PDE3A: variants seen among roughly 807,000 people sequenced by gnomAD.
PDE3A encodes cGMP-inhibited 3',5'-cyclic phosphodiesterase 3A.
PDE3A carries 43 observed loss-of-function variants against 98.3 expected under a neutral mutation model. The ratio of observed to expected loss-of-function variants is 0.44; its 90% CI spans 0.34 to 0.56. The LOEUF (loss-of-function observed/expected upper bound fraction) is 0.56. PDE3A is among the 20% of genes least tolerant of loss of function. The probability of loss-of-function intolerance (pLI) is 0.01; values close to 1 mark genes in which losing one functional copy is unlikely to be tolerated. For synonymous variants in PDE3A, 663 were observed against 567.9 expected, an observed-to-expected ratio of 1.17 and a Z score of -2.38; for missense variants, 1,427 against 1,440.7, an observed-to-expected ratio of 0.99 and a Z score of 0.15.
Position 20,630,044 on chromosome 12 carries a change from A to G in PDE3A, c.1677A>G (p.Leu559=). 1 of 1,614,020 alleles carries G rather than the reference A, an allele frequency of 6.2e-7. No individual in the cohort carries two copies. The highest frequency in any genetic ancestry group is 2.2e-5 in the East Asian group (1 of 44,866). Residue 559 remains leucine (L), a synonymous_variant, in exon 6 of 16, where the codon CTA becomes CTG. Coordinates refer to ENST00000359062, the MANE Select transcript of PDE3A (RefSeq NM_000921.5). The part of the protein sequence containing the change: ...ESADTTAKQS[L]GSHRALTYTQ... ...CTGACACAACTGCCAAACAAAGCCT[A>G]GGTTCTCACAGGGCCTTAACTTACA...
intron 1 of PDE3A, among the ~76,000 whole-genome samples, chr12:20,484,779 T>C (rs957824145): frequency 3.9e-5 from 6 of 152,188 alleles, no homozygotes; most frequent in Non-Finnish European, 8.8e-5. Context: ...GGAACATAAC[T>C]AATAATGGTC....
intron 1 of PDE3A, among the ~76,000 whole-genome samples, chr12:20,386,890 GT>G (rs1943821135): frequency 6.6e-6 from 1 of 152,052 alleles, no homozygotes; most frequent in African/African-American, 2.4e-5. Flanking sequence ...GTCTTCTAGG[GT>G]TTTTATAGTT....
At chr12:20,507,071 T>C (rs1946131638) in intron 1 of PDE3A, among the ~76,000 whole-genome samples, 1 of 152,096 alleles carries the variant, frequency 6.6e-6, no homozygotes, top group South Asian at 2.1e-4. Flanking sequence ...GTATTTATTA[T>C]GATCCGGGGG....
chr12:20,568,443 G>A (rs555282402), intron 2 of PDE3A, among the ~76,000 whole-genome samples: 1 of 152,008 alleles, frequency 6.6e-6, no homozygotes, highest in African/African-American at 2.4e-5. Context: ...ATGCACTGGT[G>A]GTTGTGGAAC....
chr12:20,615,603 G>T (rs1592114731), intron 3 of PDE3A, among the ~76,000 whole-genome samples: 1 of 152,060 alleles, frequency 6.6e-6, no homozygotes, highest in African/African-American at 2.4e-5. Flanking sequence ...TGTGTGTATA[G>T]GTGTGTAAAT....
chr12:20,600,351 G>T (rs1434886666), intron 2 of PDE3A, among the ~76,000 whole-genome samples: 1 of 152,086 alleles, frequency 6.6e-6, no homozygotes, highest in Non-Finnish European at 1.5e-5. Flanking sequence ...CCTTCATCCT[G>T]AAAGCTAGCC....
intron 9 of PDE3A, among the ~76,000 whole-genome samples, chr12:20,638,261 A>C (rs1944565196): frequency 6.6e-6 from 1 of 152,170 alleles, no homozygotes; most frequent in Non-Finnish European, 1.5e-5. Flanking sequence ...GATTGAAGGG[A>C]AAAGATAGCA....
At chr12:20,606,591 G>A (rs1943714607) in intron 2 of PDE3A, among the ~76,000 whole-genome samples, 1 of 151,980 alleles carries the variant, frequency 6.6e-6, no homozygotes, top group African/African-American at 2.4e-5. Flanking sequence ...GGGTGCGGTG[G>A]CTCACGCTTA....
chr12:20,586,807 CCTAAT>C (rs2121362088), intron 2 of PDE3A, among the ~76,000 whole-genome samples: 1 of 152,260 alleles, frequency 6.6e-6, no homozygotes, highest in South Asian at 2.1e-4. Context: ...TACTACTTAG[CCTAAT>C]CTTTAATTTG....
chr12:20,634,860 C>G (rs368612987), intron 7 of PDE3A, 42 bp from the exon 8 acceptor site: 3 of 1,505,500 alleles, frequency 2.0e-6, no homozygotes, highest in Non-Finnish European at 2.8e-6. Context: ...CCCCCTTTCC[C>G]CATTGTAGAT....
At chr12:20,544,721 C>T (rs1173031740) in intron 1 of PDE3A, among the ~76,000 whole-genome samples, 1 of 151,870 alleles carries the variant, frequency 6.6e-6, no homozygotes, top group Non-Finnish European at 1.5e-5. Flanking sequence ...TGTTACATTT[C>T]TCCTCTCTTA....
chr12:20,380,042 G>C (rs1943636488), intron 1 of PDE3A, among the ~76,000 whole-genome samples: 2 of 151,732 alleles, frequency 1.3e-5, no homozygotes, highest in African/African-American at 4.8e-5. Flanking sequence ...AATTGAGAGA[G>C]AACAAACTCT....
At chr12:20,398,530 A>G (rs937239597) in intron 1 of PDE3A, among the ~76,000 whole-genome samples, 1 of 152,048 alleles carries the variant, frequency 6.6e-6, no homozygotes, top group African/African-American at 2.4e-5. Flanking sequence ...CATCAAAAAA[A>G]CTGCACTTAT....
chr12:20,536,211 T>C (rs951186947), intron 1 of PDE3A, among the ~76,000 whole-genome samples: 5 of 152,116 alleles, frequency 3.3e-5, no homozygotes, highest in African/African-American at 1.2e-4. Flanking sequence ...CAAAATATCT[T>C]ACACATAAAG....
intron 1 of PDE3A, among the ~76,000 whole-genome samples, chr12:20,387,854 T>C (rs1022404533): frequency 1.3e-5 from 2 of 152,054 alleles, no homozygotes; most frequent in African/African-American, 4.8e-5. Context: ...AAAATACTTT[T>C]GATGAGTGGA....
At chr12:20,431,625 ACACACACG>A (rs1565547039) in intron 1 of PDE3A, among the ~76,000 whole-genome samples, 11 of 144,826 alleles carry the variant, frequency 7.6e-5, no homozygotes, top group African/African-American at 2.5e-4. Context: ...ACACACACGC[ACACACACG>A]CACGCACAAA....
intron 15 of PDE3A, among the ~76,000 whole-genome samples, chr12:20,663,096 C>T (rs1021369860): frequency 1.3e-4 from 20 of 152,134 alleles, no homozygotes; most frequent in Admixed American, 9.2e-4. Flanking sequence ...GGTGCAAGCC[C>T]GAAGCCTTGG....
At chr12:20,500,956 TG>T (rs1390527007) in intron 1 of PDE3A, among the ~76,000 whole-genome samples, 1 of 151,888 alleles carries the variant, frequency 6.6e-6, no homozygotes, top group Non-Finnish European at 1.5e-5. Context: ...TTAGTAAAGA[TG>T]GGGTGTCATC....
In PDE3A at chr12:20,634,951, C is replaced by T. The variant is rs745372205; in HGVS notation, c.1896C>T (p.Asp632=). The T allele has an allele frequency of 1.2e-6, 2 of 1,610,106 alleles. No individual in the cohort carries two copies. Among genetic ancestry groups the T allele is most frequent in the South Asian group, 1.1e-5 (1 of 91,002 alleles). The change falls in exon 8 of 16, where the codon GAC becomes GAT. Residue 632 remains aspartate, a synonymous_variant. Transcript: ENST00000359062. ...ATTATGAAACCAATAACAACAGTGACAGCAGTGACATTGTACAGAATGAAG... is the reference window on the plus strand; with the variant it reads ...ATTATGAAACCAATAACAACAGTGATAGCAGTGACATTGTACAGAATGAAG... ...TSDYETNNNS[D]SSDIVQNEDE...
Sources: gnomAD v4.1 joint callset for allele counts (sites outside exome capture counted in the v4.1 genomes callset) on GRCh38, gnomAD v4.1.1 for gene constraint, MANE v1.5 for transcripts, NCBI Gene and HGNC (gene_info 2026-07-23, HGNC 2026-07-21) for gene names.